The following CNTN1 variants were observed in gnomAD, a reference collection of about 807,000 sequenced individuals.
CNTN1 encodes contactin 1.
In CNTN1, 38 loss-of-function variants were observed where a neutral mutation model predicts 126.4. That is an observed-to-expected ratio of 0.30 (90% confidence interval 0.23 to 0.39). The LOEUF is 0.39. Among genes scored for constraint, CNTN1 ranks in the 10% least tolerant of loss-of-function variants. The pLI, the probability that CNTN1 is intolerant of heterozygous loss-of-function variation, is 1.00. For missense variants in CNTN1, 1,009 were observed against 1,248.4 expected (o/e 0.81, Z 2.89); for synonymous variants, 413 against 422.6 (o/e 0.98, Z 0.28).
intron 1 of CNTN1, among the ~76,000 whole-genome samples, chr12:40,841,562 C>T (rs1942281915): frequency 6.6e-6 from 1 of 151,838 alleles, no homozygotes; most frequent in Admixed American, 6.6e-5. Context: ...AATAACATAA[C>T]AAAAAGATAA....
intron 1 of CNTN1, among the ~76,000 whole-genome samples, chr12:40,693,921 A>G (rs1474927592): frequency 6.6e-6 from 1 of 152,202 alleles, no homozygotes; most frequent in African/African-American, 2.4e-5. Flanking sequence ...TCAATATGTC[A>G]TATTTCATGT....
chr12:40,848,479 T>C lies in CNTN1; in HGVS notation c.-76-59878T>C, dbSNP rs1172603665. Among the ~76,000 whole-genome samples the C allele has an allele frequency of 2.0e-5, 3 of 152,190 alleles. No homozygotes were observed. In the South Asian group the frequency reaches 6.2e-4, roughly 31 times the overall value. ...TATTAGTGTTTATATAATGAAAAATTAAGTAGGTGAATAATGTATGAGTTA... is the reference window on the plus strand; with the variant it reads ...TATTAGTGTTTATATAATGAAAAATCAAGTAGGTGAATAATGTATGAGTTA... On this transcript the variant is annotated intron_variant, in intron 1 of 23. Coordinates refer to ENST00000551295, the MANE Select transcript of CNTN1 (RefSeq NM_001843.4).
intron 15 of CNTN1, among the ~76,000 whole-genome samples, chr12:40,974,562 C>G (rs992133515): frequency 2.0e-5 from 3 of 152,098 alleles, no homozygotes; most frequent in Non-Finnish European, 4.4e-5. Flanking sequence ...AAAGAAAAGT[C>G]AGCAACGGAA....
intron 16 of CNTN1, among the ~76,000 whole-genome samples, chr12:40,984,161 TATATTA>T (rs1947894964): frequency 1.3e-5 from 2 of 151,512 alleles, no homozygotes; most frequent in Admixed American, 6.6e-5. Flanking sequence ...CCAATAATCT[TATATTA>T]ATATTATCAC....
chr12:40,956,148 A>G (rs1015049869), intron 14 of CNTN1, among the ~76,000 whole-genome samples: 2 of 152,140 alleles, frequency 1.3e-5, no homozygotes, highest in Admixed American at 6.6e-5. Context: ...TTAAGAGCAG[A>G]TACCAAAATT....
At chr12:40,869,892 T>G (rs999939766) in intron 1 of CNTN1, among the ~76,000 whole-genome samples, 3 of 152,230 alleles carry the variant, frequency 2.0e-5, no homozygotes, top group Admixed American at 2.0e-4. Flanking sequence ...TGATATGGTT[T>G]GGCTTTGTCC....
At chr12:40,871,303 A>G (rs569130864) in intron 1 of CNTN1, among the ~76,000 whole-genome samples, 48 of 152,092 alleles carry the variant, frequency 3.2e-4, no homozygotes, top group African/African-American at 1.0e-3. Context: ...TAGATTGAAT[A>G]CTATGGGACT....
At chr12:40,749,482 A>G (rs1487206784) in intron 1 of CNTN1, among the ~76,000 whole-genome samples, 1 of 152,120 alleles carries the variant, frequency 6.6e-6, no homozygotes, top group Middle Eastern at 3.2e-3. Context: ...CTCTGGGTAA[A>G]TAAGAGCCAG....
chr12:40,991,472 C>T (rs991101608), intron 16 of CNTN1, among the ~76,000 whole-genome samples: 1 of 151,906 alleles, frequency 6.6e-6, no homozygotes, highest in Non-Finnish European at 1.5e-5. Context: ...AGAAAGGTAC[C>T]ATTTAACCCA....
intron 1 of CNTN1, among the ~76,000 whole-genome samples, chr12:40,782,287 A>G (rs999387789): frequency 6.6e-6 from 1 of 151,938 alleles, no homozygotes; most frequent in Non-Finnish European, 1.5e-5. Context: ...ATGAACCATT[A>G]ACAGGCTTTG....
chr12:40,839,140 GAAAGTATCA>G lies in CNTN1; in HGVS notation c.-76-69213_-76-69205del. ...TTTGAAGGAAAAACAAAATACATTT[GAAAGTATCA>G]AAACTGGAAGCTAGATCAGGCAGAA... On this transcript the variant is annotated intron_variant, in intron 1 of 23. Transcript: ENST00000551295. 2.0e-5 allele frequency among the ~76,000 whole-genome samples: 3 copies of G among 152,076 alleles called. No homozygotes were observed. The East Asian group carries it at 5.8e-4, about 29-fold the overall frequency.
intron 1 of CNTN1, among the ~76,000 whole-genome samples, chr12:40,769,381 A>C (rs577566338): frequency 4.8e-4 from 73 of 152,308 alleles, no homozygotes; most frequent in African/African-American, 1.7e-3. Flanking sequence ...TATCATAGCC[A>C]ATTGTAATTA....
intron 1 of CNTN1, among the ~76,000 whole-genome samples, chr12:40,722,813 C>G (rs1028600526): frequency 1.3e-5 from 2 of 151,916 alleles, no homozygotes; most frequent in Non-Finnish European, 1.5e-5. Flanking sequence ...AAACCACAGC[C>G]AGTAAGAAAA....
intron 23 of CNTN1, among the ~76,000 whole-genome samples, chr12:41,053,370 G>GA (rs1361905055): frequency 6.0e-5 from 8 of 134,150 alleles, no homozygotes; most frequent in Non-Finnish European, 9.4e-5. Flanking sequence ...TGATGTAGAG[G>GA]AAAAAGTAGT....
intron 1 of CNTN1, among the ~76,000 whole-genome samples, chr12:40,872,923 C>T (rs558667812): frequency 4.3e-4 from 65 of 152,142 alleles, no homozygotes; most frequent in African/African-American, 1.5e-3. Context: ...GAATCTGGTA[C>T]TATTATTACC....
At chr12:40,963,084 A>T (rs1390498119) in intron 15 of CNTN1, among the ~76,000 whole-genome samples, 1 of 152,142 alleles carries the variant, frequency 6.6e-6, no homozygotes, top group Non-Finnish European at 1.5e-5. Context: ...CCCCCTAAGG[A>T]TTCTAACAAA....
chr12:41,016,996 C>T, intron 19 of CNTN1, 80 bp downstream of exon 19: 1 of 1,219,868 alleles, frequency 8.2e-7, no homozygotes, highest in Non-Finnish European at 1.2e-6. Flanking sequence ...TGTTTCCTTT[C>T]AGGCCTTACT....
intron 1 of CNTN1, among the ~76,000 whole-genome samples, chr12:40,741,874 A>G (rs1264682842): frequency 6.6e-6 from 1 of 151,980 alleles, no homozygotes; most frequent in Admixed American, 6.6e-5. Context: ...TTCATAATGT[A>G]TTATCATTTC....
At chr12:40,725,262 G>A (rs552888400) in intron 1 of CNTN1, among the ~76,000 whole-genome samples, 47 of 152,074 alleles carry the variant, frequency 3.1e-4, no homozygotes, top group Middle Eastern at 3.4e-3. Flanking sequence ...TTAGCAGGGT[G>A]TGGTGGTGCA....
Sources: allele counts gnomAD v4.1 joint callset (sites outside exome capture counted in the v4.1 genomes callset), GRCh38; gene constraint gnomAD v4.1.1; transcripts MANE v1.5; gene names NCBI Gene and HGNC (gene_info 2026-07-23, HGNC 2026-07-21).